ACOXL: variants seen among roughly 807,000 people sequenced by gnomAD.
ACOXL encodes acyl-coenzyme A oxidase-like protein.
ACOXL carries 70 observed loss-of-function variants against 71.9 expected under a neutral mutation model. The ratio of observed to expected loss-of-function variants is 0.97; its 90% CI spans 0.80 to 1.19. The LOEUF (loss-of-function observed/expected upper bound fraction) is 1.19, where lower values mean the gene tolerates loss of function less well. Among genes scored for constraint, ACOXL ranks in the 50% most tolerant of loss-of-function variants. The pLI is 0.00. For synonymous variants in ACOXL, 253 were observed against 281.6 expected (o/e 0.90, Z 1.02); for missense variants, 703 against 736.3 (o/e 0.95, Z 0.52).
chr2:110,874,341 C>G (rs987263194), intron 10 of ACOXL, among the ~76,000 whole-genome samples: 3 of 152,106 alleles, frequency 2.0e-5, no homozygotes, highest in Non-Finnish European at 4.4e-5. Context: ...CAAAATACGT[C>G]TCTCCCACCC....
chr2:110,796,437 A>T (rs1178313215), intron 5 of ACOXL, among the ~76,000 whole-genome samples: 1 of 152,224 alleles, frequency 6.6e-6, no homozygotes, highest in Non-Finnish European at 1.5e-5. Flanking sequence ...TGTTATTTAG[A>T]TGCAGCTTTA....
chr2:111,025,674 CTGTAGA>C lies in ACOXL; in HGVS notation c.1282-5949_1282-5944del, dbSNP rs1377026856. On this transcript the variant is annotated intron_variant, in intron 14 of 17. Coordinates refer to ENST00000439055, the MANE Select transcript of ACOXL (RefSeq NM_001142807.4). ...TGGGTTTTGTTTTCCTGTGACTGAG[CTGTAGA>C]TGTCTTTACAAATTCTGTACAGAAA... Among the ~76,000 whole-genome samples, 2 of 152,150 alleles carry C rather than the reference CTGTAGA, an allele frequency of 1.3e-5. 1 individual carries two copies. Among genetic ancestry groups the C allele is most frequent in the Non-Finnish European group, 2.9e-5 (2 of 68,026 alleles).
intron 10 of ACOXL, among the ~76,000 whole-genome samples, chr2:110,843,000 A>G (rs1191951794): frequency 2.0e-5 from 3 of 152,192 alleles, no homozygotes; most frequent in African/African-American, 7.2e-5. Flanking sequence ...GCACACAGCT[A>G]TGGCACACTT....
At chr2:110,795,324 C>G (rs1175777911) in intron 5 of ACOXL, among the ~76,000 whole-genome samples, 1 of 152,122 alleles carries the variant, frequency 6.6e-6, no homozygotes, top group Non-Finnish European at 1.5e-5. Flanking sequence ...TGTTAGTTCT[C>G]TCCAGCAGCA....
chr2:110,862,637 T>C (rs1405551366), intron 10 of ACOXL, among the ~76,000 whole-genome samples: 1 of 152,152 alleles, frequency 6.6e-6, no homozygotes, highest in Non-Finnish European at 1.5e-5. Flanking sequence ...CCCAGAGGGA[T>C]ACAAAAAGAA....
chr2:110,844,389 A>G (rs566454594), intron 10 of ACOXL, among the ~76,000 whole-genome samples: 16 of 152,156 alleles, frequency 1.1e-4, no homozygotes, highest in Non-Finnish European at 2.1e-4. Context: ...ACCTTCTGGG[A>G]AATCCCCATT....
chr2:110,939,880 G>T (rs565988575), intron 12 of ACOXL, among the ~76,000 whole-genome samples: 1 of 152,334 alleles, frequency 6.6e-6, no homozygotes, highest in African/African-American at 2.4e-5. Flanking sequence ...GCCCAGGGAA[G>T]CCAAAAGATT....
chr2:110,846,375 A>G (rs1015563379), intron 10 of ACOXL, among the ~76,000 whole-genome samples: 5 of 152,128 alleles, frequency 3.3e-5, no homozygotes, highest in African/African-American at 9.7e-5. Flanking sequence ...ATGAATGTGC[A>G]GAGGAGGGAA....
At chr2:110,852,956 C>G (rs1692795566) in intron 10 of ACOXL, among the ~76,000 whole-genome samples, 1 of 152,310 alleles carries the variant, frequency 6.6e-6, no homozygotes. Context: ...TATGTGGGTG[C>G]TTGGAGCGGA....
chr2:110,922,135 A>G (rs1295993764), intron 11 of ACOXL, among the ~76,000 whole-genome samples: 1 of 152,146 alleles, frequency 6.6e-6, no homozygotes, highest in Non-Finnish European at 1.5e-5. Context: ...GGGGGTTGGC[A>G]TTTCCAACTG....
chr2:110,788,396 T>C (rs1169030756), intron 3 of ACOXL, among the ~76,000 whole-genome samples: 2 of 152,194 alleles, frequency 1.3e-5, no homozygotes, highest in East Asian at 1.9e-4. Context: ...AGGACAAATA[T>C]TGTATGAGCC....
intron 5 of ACOXL, chr2:110,795,859 C>G (rs1685218159): frequency 1.3e-5 from 2 of 152,020 alleles, no homozygotes. Context: ...TACTTTTTTA[C>G]AAAAATAATT....
At chr2:110,828,373 TC>T (rs1190246263) in intron 9 of ACOXL, among the ~76,000 whole-genome samples, 2 of 152,248 alleles carry the variant, frequency 1.3e-5, no homozygotes, top group African/African-American at 4.8e-5. Context: ...TTAGATTATT[TC>T]CTTAGGGACA....
chr2:111,058,398 G>T (rs766395711), intron 16 of ACOXL, among the ~76,000 whole-genome samples: 1 of 152,202 alleles, frequency 6.6e-6, no homozygotes, highest in Non-Finnish European at 1.5e-5. Context: ...AGCACACAGT[G>T]AGGGGGATGT....
chr2:110,968,227 G>A lies in ACOXL; in HGVS notation c.1060-18881G>A, dbSNP rs1311638249. ...GTAGGTGACTGGCAATGAATACAAT[G>A]TGGAAAACATTGATGGTCAGCCAAG... On this transcript the variant is annotated intron_variant, in intron 12 of 17. Coordinates refer to ENST00000439055, the MANE Select transcript of ACOXL (RefSeq NM_001142807.4). 7.6e-5 allele frequency: 82 copies of A among 1,074,184 alleles called. No homozygotes were observed. In the East Asian group the frequency reaches 1.9e-3, roughly 25 times the overall value. 66.5% of individuals were successfully genotyped at this position (1,074,184 alleles called of 1,614,324 possible).
chr2:110,993,487 G>A (rs1354358015), intron 13 of ACOXL, among the ~76,000 whole-genome samples: 4 of 152,094 alleles, frequency 2.6e-5, no homozygotes, highest in Non-Finnish European at 4.4e-5. Flanking sequence ...TTTCATTATT[G>A]TAGTATTTTA....
At chr2:110,910,808 T>C (rs2059625895) in intron 11 of ACOXL, among the ~76,000 whole-genome samples, 1 of 152,342 alleles carries the variant, frequency 6.6e-6, no homozygotes, top group South Asian at 2.1e-4. Flanking sequence ...TTTATCTTAT[T>C]GTTATTGACT....
intron 9 of ACOXL, among the ~76,000 whole-genome samples, chr2:110,824,334 G>A (rs1688937764): frequency 6.6e-6 from 1 of 152,032 alleles, no homozygotes. Flanking sequence ...GCTTTTCTAG[G>A]TCTTTTGCAT....
At chr2:110,991,445 T>A (rs2063169895) in intron 13 of ACOXL, among the ~76,000 whole-genome samples, 1 of 152,216 alleles carries the variant, frequency 6.6e-6, no homozygotes, top group Admixed American at 6.5e-5. Flanking sequence ...TCTCCTATAT[T>A]ATACTTTTAG....
Sources: gnomAD v4.1 joint callset for allele counts (sites outside exome capture counted in the v4.1 genomes callset) on GRCh38, gnomAD v4.1.1 for gene constraint, MANE v1.5 for transcripts, NCBI Gene and HGNC (gene_info 2026-07-23, HGNC 2026-07-21) for gene names.